C7: variants seen among roughly 807,000 people sequenced by gnomAD.
The protein encoded by C7 is complement component C7.
Under a neutral mutation model 104.8 loss-of-function variants are expected in C7, and 83 were observed. The observed-to-expected ratio is 0.79, with a 90% CI of 0.66 to 0.95. C7 has a LOEUF of 0.95. C7 is among the 40% of genes least tolerant of loss of function. The probability of loss-of-function intolerance (pLI) is 0.00; values close to 1 mark genes in which losing one functional copy is unlikely to be tolerated. For synonymous variants in C7, 415 were observed against 360.6 expected (o/e 1.15, Z -1.71); for missense variants, 1,070 against 1,011.2 (o/e 1.06, Z -0.79).
chr5:40,962,248 C>A, intron 13 of C7, 76 bp downstream of exon 13: 2 of 858,918 alleles, frequency 2.3e-6, no homozygotes, highest in Admixed American at 2.7e-5. Context: ...AACCTATTTT[C>A]TTCCTCCATG....
intron 7 of C7, 114 bp from the exon 8 acceptor site, chr5:40,947,488 T>A: frequency 8.6e-7 from 1 of 1,165,456 alleles, no homozygotes; most frequent in Non-Finnish European, 1.2e-6. Context: ...TAAAAATTCT[T>A]GTAGTCTTGG....
At chr5:40,911,913 ATTT>A (rs745734485) in intron 1 of C7, among the ~76,000 whole-genome samples, 2 of 127,572 alleles carry the variant, frequency 1.6e-5, no homozygotes, top group Non-Finnish European at 1.7e-5. Context: ...TAATTTTTGT[ATTT>A]TTTTTTTTTT....
chr5:40,912,377 T>A (rs1739227362), intron 1 of C7, among the ~76,000 whole-genome samples: 1 of 152,210 alleles, frequency 6.6e-6, no homozygotes, highest in African/African-American at 2.4e-5. Context: ...TTCTTTATTT[T>A]AAAAAATGCT....
rs569540394 is a variant in C7, at chr5:40,914,223, G to A, written c.6+4607G>A. On this transcript the variant is annotated intron_variant, in intron 1 of 17. Coordinates refer to ENST00000313164, the MANE Select transcript of C7 (RefSeq NM_000587.4). ...ATTCTCTGATGATTAGTGATGTTGA[G>A]CACATTTTCATATGCTTGTGAGCCA... Among the ~76,000 whole-genome samples, 5 of 152,242 alleles carry A rather than the reference G, an allele frequency of 3.3e-5. No homozygotes were observed. The South Asian group carries it at 1.0e-3, about 32-fold the overall frequency.
At chr5:40,915,522 G>A (rs1210041260) in intron 1 of C7, among the ~76,000 whole-genome samples, 1 of 152,122 alleles carries the variant, frequency 6.6e-6, no homozygotes, top group African/African-American at 2.4e-5. Flanking sequence ...GGCTTTCCCA[G>A]GGACAAGACA....
chr5:40,964,915 A>G, intron 14 of C7, 42 bp downstream of exon 14: 1 of 1,606,604 alleles, frequency 6.2e-7, no homozygotes, highest in Non-Finnish European at 8.5e-7. Flanking sequence ...TGAGAAAATT[A>G]CGTGGAAGAG....
chr5:40,976,051 C>A (rs937370513), intron 15 of C7, among the ~76,000 whole-genome samples: 2 of 152,180 alleles, frequency 1.3e-5, no homozygotes, highest in Non-Finnish European at 2.9e-5. Context: ...CGGTGTTTAC[C>A]TGTCAAAACT....
In C7 at chr5:40,980,567, C is replaced by G. The variant is rs77297633; in HGVS notation, c.2350+658C>G. ...GTACTTACAGTGATCTTGAACTCCC[C>G]CAAGAGCACAGCAAACCTCCCATGA... On this transcript the variant is annotated intron_variant, in intron 17 of 17. Coordinates refer to ENST00000313164, the MANE Select transcript of C7 (RefSeq NM_000587.4). Among the ~76,000 whole-genome samples the G allele has an allele frequency of 7.7e-3, 1,174 of 152,296 alleles. 47 individuals carry two copies. In the East Asian group the frequency reaches 0.13, roughly 17 times the overall value.
In C7 at chr5:40,936,330, G is replaced by A. The variant is rs77065783; in HGVS notation, c.281-8G>A. On this transcript the variant is annotated splice_region_variant and splice_polypyrimidine_tract_variant and intron_variant, in intron 4 of 17. Coordinates refer to ENST00000313164, the MANE Select transcript of C7 (RefSeq NM_000587.4). The stretch of plus-strand genomic sequence containing the variant: ...TTACATTTGCACGTGGATTTCTCTG[G>A]TGTTCAGGTCAGTGCATCAGCAAAT... 1.2e-6 allele frequency: 2 copies of A among 1,612,752 alleles called. No homozygotes were observed. Among genetic ancestry groups the A allele is most frequent in the East Asian group, 2.2e-5 (1 of 44,858 alleles).
intron 1 of C7, among the ~76,000 whole-genome samples, chr5:40,920,329 C>T (rs324063): frequency 0.48 from 73,399 of 151,696 alleles, 19,006 homozygotes; most frequent in African/African-American, 0.69. Flanking sequence ...TCTACTGTTA[C>T]ATTGCAATCC....
At chr5:40,977,727 A>G (rs1740849282) in intron 16 of C7, among the ~76,000 whole-genome samples, 1 of 152,192 alleles carries the variant, frequency 6.6e-6, no homozygotes, top group African/African-American at 2.4e-5. Flanking sequence ...GAAGTCCACG[A>G]TGTGGCCCAT....
chr5:40,949,090 CT>C (rs944075880), intron 8 of C7, among the ~76,000 whole-genome samples: 1 of 151,886 alleles, frequency 6.6e-6, no homozygotes, highest in African/African-American at 2.4e-5. Context: ...AGTTTTACTT[CT>C]TTTTATTGCA....
chr5:40,952,790 T>A (rs10075966), intron 9 of C7, among the ~76,000 whole-genome samples: 24,233 of 152,034 alleles, frequency 0.16, 1,948 homozygotes, highest in South Asian at 0.17. Context: ...ATGTGGCACA[T>A]ATACACCATG....
At position 40,983,660 on chromosome 5, in the gene C7, G is replaced by T. The variant is rs1741001674; in HGVS notation, c.*2087G>T. 6.6e-6 allele frequency among the ~76,000 whole-genome samples: 1 copy of T among 152,154 alleles called. No individual in the cohort carries two copies. Among genetic ancestry groups the T allele is most frequent in the Admixed American group, 6.5e-5 (1 of 15,272 alleles). The stretch of plus-strand genomic sequence containing the variant: ...TGGAGAATTAGGATTGTCGCAGCAG[G>T]TCAGCAAGGAGAAAGTCATTTTTAA... On this transcript the variant is annotated 3_prime_UTR_variant, in exon 18 of 18. Transcript: ENST00000313164.
In C7 at chr5:40,959,504, G is replaced by A. The variant is rs762069532; in HGVS notation, c.1545G>A (p.Gly515=). ...CCTCTTGGAGCCCCTGTGTCCAAGGGAAGAAAACAAGAAGCCGTGAATGCA... is the reference window on the plus strand; with the variant it reads ...CCTCTTGGAGCCCCTGTGTCCAAGGAAAGAAAACAAGAAGCCGTGAATGCA... ...CWSSWSPCVQ[G]KKTRSRECNN... is the part of the protein sequence containing the mutation. Residue 515 remains glycine, a synonymous_variant, in exon 12 of 18, where the codon GGG becomes GGA. Coordinates refer to ENST00000313164, the MANE Select transcript of C7 (RefSeq NM_000587.4). 8.7e-6 allele frequency: 14 copies of A among 1,611,524 alleles called. No individual in the cohort carries two copies. Among genetic ancestry groups the A allele is most frequent in the African/African-American group, 1.3e-5 (1 of 74,874 alleles).
chr5:40,981,730 T>C lies in C7; in HGVS notation c.*157T>C. 1.7e-6 allele frequency: 1 copy of C among 575,360 alleles called. No individual in the cohort carries two copies. The highest frequency in any genetic ancestry group is 1.9e-5 in the African/African-American group (1 of 53,882). 35.6% of individuals were successfully genotyped at this position (575,360 alleles called of 1,614,324 possible). ...CCATCTGTATAAACACAATCCTTTG[T>C]TCTCCCAAATCTGAATCGAATTACT... On this transcript the variant is annotated 3_prime_UTR_variant, in exon 18 of 18. Coordinates refer to ENST00000313164, the MANE Select transcript of C7 (RefSeq NM_000587.4).
chr5:40,944,956 A>T (rs1300026345), intron 6 of C7, among the ~76,000 whole-genome samples: 1 of 152,198 alleles, frequency 6.6e-6, no homozygotes, highest in Admixed American at 6.5e-5. Context: ...GTTTGTACCT[A>T]AATGCATTTT....
In C7 at chr5:40,937,616, T is replaced by C. The variant is rs757696731; in HGVS notation, c.493T>C (p.Cys165Arg). The change falls in exon 6 of 18, where the codon TGT becomes CGT. Residue 165 changes from cysteine to arginine, a missense_variant. By Grantham distance (180) the Cys-to-Arg change is radical. Coordinates refer to ENST00000313164, the MANE Select transcript of C7 (RefSeq NM_000587.4). The stretch of plus-strand genomic sequence containing the variant: ...CAATACCAAAAGTTTTGGTGGTCAA[T>C]GTAGAAAGGTGTTTAGTGGGGATGG... Reference protein sequence around the residue: ...VINTKSFGGQCRKVFSGDGKD... With the variant: ...VINTKSFGGQRRKVFSGDGKD... 1.2e-6 allele frequency: 2 copies of C among 1,612,710 alleles called. No individual in the cohort carries two copies. Among genetic ancestry groups the C allele is most frequent in the East Asian group, 2.2e-5 (1 of 44,806 alleles).
intron 2 of C7, 101 bp downstream of exon 2, chr5:40,928,736 C>A (rs1384598657): frequency 4.9e-6 from 3 of 615,592 alleles, no homozygotes; most frequent in Non-Finnish European, 5.7e-6. Context: ...TCTGTGTATC[C>A]CTCCAACATA....
Sources: allele counts gnomAD v4.1 joint callset (sites outside exome capture counted in the v4.1 genomes callset), GRCh38; gene constraint gnomAD v4.1.1; transcripts MANE v1.5; gene names NCBI Gene and HGNC (gene_info 2026-07-23, HGNC 2026-07-21).